Variants in SNAP25 observed in about 807,000 individuals in gnomAD.
The protein encoded by SNAP25 is synaptosome associated protein 25.
Under a neutral mutation model 28.7 loss-of-function variants are expected in SNAP25, and 3 were observed. That is an observed-to-expected ratio of 0.10 (90% confidence interval 0.05 to 0.27). The LOEUF is 0.27. Among genes scored for constraint, SNAP25 ranks in the 10% least tolerant of loss-of-function variants. The probability of loss-of-function intolerance (pLI) is 1.00; values close to 1 mark genes in which losing one functional copy is unlikely to be tolerated. For missense variants in SNAP25, 117 were observed against 278.7 expected (o/e 0.42, Z 4.13); for synonymous variants, 61 against 88.1 (o/e 0.69, Z 1.72).
chr20:10,244,731 CTCT>C (rs1360845475), intron 1 of SNAP25, among the ~76,000 whole-genome samples: 9 of 147,108 alleles, frequency 6.1e-5, no homozygotes, highest in African/African-American at 2.4e-4. Context: ...CTTTCTTTCT[CTCT>C]TTTTTTTTTT....
chr20:10,267,848 C>A (rs867508220), intron 1 of SNAP25, among the ~76,000 whole-genome samples: 4 of 152,198 alleles, frequency 2.6e-5, no homozygotes, highest in African/African-American at 9.7e-5. Context: ...CCGTGCCCGG[C>A]CAATAGTCTC....
chr20:10,255,518 T>C (rs1246181082), intron 1 of SNAP25, among the ~76,000 whole-genome samples: 2 of 152,180 alleles, frequency 1.3e-5, no homozygotes, highest in African/African-American at 4.8e-5. Flanking sequence ...GGGAATTCAC[T>C]GTGGTCTATA....
At chr20:10,279,458 G>C (rs905965440) in intron 3 of SNAP25, among the ~76,000 whole-genome samples, 3 of 152,032 alleles carry the variant, frequency 2.0e-5, no homozygotes, top group Non-Finnish European at 4.4e-5. Flanking sequence ...TCACTAATTT[G>C]CCTGCCTGTG....
At chr20:10,242,011 C>T (rs575373415) in intron 1 of SNAP25, among the ~76,000 whole-genome samples, 6 of 152,200 alleles carry the variant, frequency 3.9e-5, no homozygotes, top group Non-Finnish European at 8.8e-5. Context: ...GGCAGCATTC[C>T]TTACTAGGGG....
chr20:10,240,690 G>A (rs139587060), intron 1 of SNAP25, among the ~76,000 whole-genome samples: 10 of 152,246 alleles, frequency 6.6e-5, no homozygotes, highest in South Asian at 2.1e-4. Flanking sequence ...TTTCTTAGCC[G>A]CCAGGCCTCG....
intron 1 of SNAP25, among the ~76,000 whole-genome samples, chr20:10,247,329 A>G (rs2063147049): frequency 6.6e-6 from 1 of 152,084 alleles, no homozygotes; most frequent in African/African-American, 2.4e-5. Context: ...CCCTGTAGCA[A>G]ACTTTTTTCT....
At chr20:10,295,186 G>A (rs1448245999) in intron 5 of SNAP25, among the ~76,000 whole-genome samples, 3 of 152,216 alleles carry the variant, frequency 2.0e-5, no homozygotes, top group Non-Finnish European at 2.9e-5. Flanking sequence ...GCCCTGTCTC[G>A]GCATGTTTCA....
chr20:10,223,419 T>C (rs960986316), intron 1 of SNAP25, among the ~76,000 whole-genome samples: 1 of 152,180 alleles, frequency 6.6e-6, no homozygotes, highest in Non-Finnish European at 1.5e-5. Flanking sequence ...TTTCTGGCTA[T>C]AAGGTATCAA....
chr20:10,266,465 A>G (rs1010036136), intron 1 of SNAP25, among the ~76,000 whole-genome samples: 6 of 152,204 alleles, frequency 3.9e-5, no homozygotes, highest in Non-Finnish European at 5.9e-5. Flanking sequence ...AACCCAGAGA[A>G]AAAAAGGTGG....
intron 1 of SNAP25, among the ~76,000 whole-genome samples, chr20:10,223,800 T>G (rs543434425): frequency 7.2e-5 from 11 of 152,350 alleles, no homozygotes; most frequent in African/African-American, 2.4e-4. Flanking sequence ...ATAATTTTCT[T>G]CACAAGACTC....
At chr20:10,303,940 G>C (rs933151552) in intron 7 of SNAP25, among the ~76,000 whole-genome samples, 1 of 152,164 alleles carries the variant, frequency 6.6e-6, no homozygotes, top group Non-Finnish European at 1.5e-5. Flanking sequence ...TAAACTCATA[G>C]AAATGAATCT....
intron 5 of SNAP25, among the ~76,000 whole-genome samples, chr20:10,295,304 C>G (rs183724777): frequency 1.1e-4 from 17 of 152,230 alleles, no homozygotes; most frequent in Admixed American, 1.0e-3. Context: ...TTTGACTTTG[C>G]CAAAGATGGT....
intron 3 of SNAP25, among the ~76,000 whole-genome samples, chr20:10,284,197 C>A (rs2063831763): frequency 6.6e-6 from 1 of 152,102 alleles, no homozygotes; most frequent in Non-Finnish European, 1.5e-5. Flanking sequence ...GTTTCCCAAC[C>A]TTTGTAAAGC....
At chr20:10,279,163 TA>T (rs1203951178) in intron 3 of SNAP25, among the ~76,000 whole-genome samples, 1 of 152,194 alleles carries the variant, frequency 6.6e-6, no homozygotes, top group Non-Finnish European at 1.5e-5. Context: ...GTAGATATTC[TA>T]AATCTACGAG....
At chr20:10,238,922 A>ATAC (rs2062972890) in intron 1 of SNAP25, among the ~76,000 whole-genome samples, 1 of 151,838 alleles carries the variant, frequency 6.6e-6, no homozygotes, top group Non-Finnish European at 1.5e-5. Flanking sequence ...AATAATAATA[A>ATAC]TAATAATATC....
chr20:10,305,454 C>G (rs576933207), intron 7 of SNAP25, among the ~76,000 whole-genome samples: 6 of 152,188 alleles, frequency 3.9e-5, no homozygotes, highest in Non-Finnish European at 7.4e-5. Context: ...AGATGGGAGG[C>G]TCAGTTGAGC....
At chr20:10,276,404 T>C (rs2063692628) in intron 2 of SNAP25, among the ~76,000 whole-genome samples, 1 of 152,194 alleles carries the variant, frequency 6.6e-6, no homozygotes. Flanking sequence ...CTTTAAAAAG[T>C]AGAGAAAATA....
intron 7 of SNAP25, among the ~76,000 whole-genome samples, chr20:10,304,153 A>C (rs1390418426): frequency 2.0e-5 from 3 of 152,240 alleles, no homozygotes; most frequent in African/African-American, 4.8e-5. Context: ...GGTTGCTAGC[A>C]TTCAGACTCT....
At chr20:10,236,488 G>T (rs1447647620) in intron 1 of SNAP25, among the ~76,000 whole-genome samples, 3 of 152,078 alleles carry the variant, frequency 2.0e-5, no homozygotes, top group African/African-American at 7.2e-5. Context: ...AAAGACGATT[G>T]CATTTTAAGT....
Sources: allele counts gnomAD v4.1 joint callset (sites outside exome capture counted in the v4.1 genomes callset), GRCh38; gene constraint gnomAD v4.1.1; transcripts MANE v1.5; gene names NCBI Gene and HGNC (gene_info 2026-07-23, HGNC 2026-07-21).